The following ERV3-1 variants were observed in gnomAD, a reference collection of about 807,000 sequenced individuals.
The protein encoded by ERV3-1 is endogenous retrovirus group 3 member 1, envelope.
Under a neutral mutation model 24.6 loss-of-function variants are expected in ERV3-1, and 36 were observed. The ratio of observed to expected loss-of-function variants is 1.47; its 90% CI spans 1.12 to 1.94. The LOEUF (loss-of-function observed/expected upper bound fraction) is 1.94. Ranked by LOEUF, ERV3-1 falls within the 30% of genes most tolerant of loss-of-function variation. The pLI, the probability that ERV3-1 is intolerant of heterozygous loss-of-function variation, is 0.00. For synonymous variants in ERV3-1, 211 were observed against 122.6 expected, an observed-to-expected ratio of 1.72 and a Z score of -4.76; for missense variants, 578 against 330.9, an observed-to-expected ratio of 1.75 and a Z score of -5.79.
chr7:64,997,930 A>G (rs768917973), intron 1 of ERV3-1, among the ~76,000 whole-genome samples: 3 of 152,146 alleles, frequency 2.0e-5, no homozygotes, highest in Non-Finnish European at 2.9e-5. Context: ...CCTGTTCATC[A>G]TAATAGATAG....
At chr7:64,994,854 G>A (rs1479432203) in intron 1 of ERV3-1, among the ~76,000 whole-genome samples, 9 of 152,224 alleles carry the variant, frequency 5.9e-5, no homozygotes, top group African/African-American at 1.4e-4. Flanking sequence ...CTGAGGCTAC[G>A]CCTCCACCAC....
rs1429511151 is a variant in ERV3-1, at chr7:64,992,236, T to G, written c.791A>C (p.Lys264Thr). The change falls in exon 2 of 2, where the codon AAA becomes ACA. Residue 264 changes from lysine to threonine, a missense_variant. Transcript: ENST00000394323. ...GGCCAAGGGAGGGGGCTCAGGCAAT[T>G]TCTGGTTAACATGCTCATAGAATGA... Reference protein sequence around the residue: ...FESFYEHVNQKLPEPPPLASN... With the variant: ...FESFYEHVNQTLPEPPPLASN... 1 of 766,238 alleles carries G rather than the reference T, an allele frequency of 1.3e-6. No homozygotes were observed. The highest frequency in any genetic ancestry group is 1.7e-5 in the African/African-American group (1 of 59,110). The allele number at this position is 766,238 out of a possible 1,614,324, so 47.5% of individuals were successfully genotyped here.
In ERV3-1 at chr7:64,991,486, C is replaced by T. The variant is rs566324998; in HGVS notation, c.1541G>A (p.Arg514His). 5.8e-5 allele frequency: 41 copies of T among 703,990 alleles called. No homozygotes were observed. Among genetic ancestry groups the T allele is most frequent in the East Asian group, 5.4e-4 (20 of 37,298 alleles). The allele number at this position is 703,990 out of a possible 1,614,324, so 43.6% of individuals were successfully genotyped here. ...TAGTACTGCCTGCAATCTTATAATG[C>T]GGTTAAGCATGTAAACTGGGGTGCG... ...GYRTPVYMLN[R>H]IIRLQAVLEI... is the part of the protein sequence containing the mutation. The change falls in exon 2 of 2, where the codon CGC becomes CAC. Residue 514 changes from arginine (R) to histidine (H), a missense_variant. By Grantham distance (29) the Arg-to-His change is conservative. Transcript: ENST00000394323.
At chr7:65,004,938 G>T (rs1252340656) in intron 1 of ERV3-1, 1 of 149,434 alleles carries the variant, frequency 6.7e-6, no homozygotes, top group Admixed American at 6.7e-5. Flanking sequence ...GAGAATCCAG[G>T]TGGCAGTAAT....
rs375643236 is a variant in ERV3-1, at chr7:64,991,860, T to C, written c.1167A>G (p.Pro389=). The change falls in exon 2 of 2, where the codon CCA becomes CCG. Residue 389 remains proline (P), a synonymous_variant. Coordinates refer to ENST00000394323, the MANE Select transcript of ERV3-1 (RefSeq NM_001007253.4). ...GKSNNSESPH[P]SPFSRFPSLN... ...AAGATGGGAAACGAGAGAATGGGCT[T>C]GGGTGTGGTGATTCAGAATTATTGC... 92 of 766,270 alleles carry C rather than the reference T, an allele frequency of 1.2e-4. No individual in the cohort carries two copies. Among genetic ancestry groups the C allele is most frequent in the Non-Finnish European group, 1.7e-4 (72 of 417,890 alleles). 47.5% of individuals were successfully genotyped at this position (766,270 alleles called of 1,614,324 possible).
At position 64,991,785 on chromosome 7, in the gene ERV3-1, G is replaced by A. The variant is rs1212286844; in HGVS notation, c.1242C>T (p.Pro414=). 1.3e-6 allele frequency: 1 copy of A among 766,160 alleles called. No individual in the cohort carries two copies. The highest frequency in any genetic ancestry group is 1.7e-5 in the Admixed American group (1 of 59,028). The allele number at this position is 766,160 out of a possible 1,614,324, so 47.5% of individuals were successfully genotyped here. The part of the protein sequence containing the change: ...QLEAPNTWQA[P]SGLYWICGPQ... ...GCCCACAGATCCAGTAGAGGCCAGA[G>A]GGTGCCTGCCAGGTATTTGGAGCTT... is the stretch of plus-strand genomic sequence containing the variant. Residue 414 remains proline (P), a synonymous_variant, in exon 2 of 2, where the codon CCC becomes CCT. Coordinates refer to ENST00000394323, the MANE Select transcript of ERV3-1 (RefSeq NM_001007253.4).
In ERV3-1 at chr7:64,992,876, A is replaced by C. The variant is rs1202842357; in HGVS notation, c.151T>G (p.Tyr51Asp). The change falls in exon 2 of 2, where the codon TAT (tyrosine) becomes GAT (aspartate). Residue 51 changes from tyrosine (Y) to aspartate (D), a missense_variant. By Grantham distance (160) the Tyr-to-Asp change is radical. Coordinates refer to ENST00000394323, the MANE Select transcript of ERV3-1 (RefSeq NM_001007253.4). The part of the protein sequence containing the change: ...MTKTLLYHTY[Y>D]ECAGTCLGTC... ...CCTAGGCAGGTCCCAGCACACTCAT[A>C]ATAAGTGTGATACAACAGGGTTTTA... The C allele has an allele frequency of 1.3e-6, 1 of 766,168 alleles. No homozygotes were observed. The highest frequency in any genetic ancestry group is 1.7e-5 in the African/African-American group (1 of 59,072). 47.5% of individuals were successfully genotyped at this position (766,168 alleles called of 1,614,324 possible). A position where few individuals can be genotyped will look rare whatever the true frequency, so the allele number is the denominator to read the frequency against.
chr7:64,993,808 G>A (rs1389732268), intron 1 of ERV3-1, among the ~76,000 whole-genome samples: 1 of 152,210 alleles, frequency 6.6e-6, no homozygotes, highest in Non-Finnish European at 1.5e-5. Flanking sequence ...TTCTTCAGTA[G>A]CTGTTTGAGT....
Position 64,992,097 on chromosome 7 carries a change from T to A in ERV3-1, c.930A>T (p.Glu310Asp). The part of the protein sequence containing the change: ...MGDQWPWEAR[E>D]LMPQDNFTLT... ...GTGTGAAATTATCTTGGGGCATTAG[T>A]TCCCTTGCTTCCCATGGCCATTGGT... The change falls in exon 2 of 2, where the codon GAA (glutamate) becomes GAT (aspartate). Residue 310 changes from glutamate (E) to aspartate (D), a missense_variant. Coordinates refer to ENST00000394323, the MANE Select transcript of ERV3-1 (RefSeq NM_001007253.4). 1.3e-6 allele frequency: 1 copy of A among 766,398 alleles called. No individual in the cohort carries two copies. The highest frequency in any genetic ancestry group is 2.4e-6 in the Non-Finnish European group (1 of 417,904). The allele number at this position is 766,398 out of a possible 1,614,324, so 47.5% of individuals were successfully genotyped here.
At chr7:64,994,910 C>T (rs1432016431) in intron 1 of ERV3-1, among the ~76,000 whole-genome samples, 1 of 152,252 alleles carries the variant, frequency 6.6e-6, no homozygotes, top group Non-Finnish European at 1.5e-5. Context: ...AGACCCCTTC[C>T]AGCACAAAAC....
At chr7:65,000,452 TG>T (rs1191083972) in intron 1 of ERV3-1, among the ~76,000 whole-genome samples, 1 of 151,992 alleles carries the variant, frequency 6.6e-6, no homozygotes, top group Non-Finnish European at 1.5e-5. Context: ...CTTGATCTCC[TG>T]ACCTTGTGAT....
chr7:64,994,855 C>T (rs1327710695), intron 1 of ERV3-1, among the ~76,000 whole-genome samples: 2 of 152,238 alleles, frequency 1.3e-5, no homozygotes. Flanking sequence ...TGAGGCTACG[C>T]CTCCACCACT....
intron 1 of ERV3-1, chr7:65,004,027 G>A (rs1480200163): frequency 1.3e-5 from 2 of 152,038 alleles, no homozygotes; most frequent in Non-Finnish European, 2.9e-5. Context: ...ACTAAGCCTT[G>A]GAATTCTGTT....
Position 64,992,799 on chromosome 7 carries a change from GC to G in ERV3-1, c.227del (p.Gly76AlafsTer29). 1.3e-6 allele frequency: 1 copy of G among 766,396 alleles called. No individual in the cohort carries two copies. Among genetic ancestry groups the G allele is most frequent in the East Asian group, 2.4e-5 (1 of 41,230 alleles). 47.5% of individuals were successfully genotyped at this position (766,396 alleles called of 1,614,324 possible). ...TAGGGTCATAACACACATAAGGCTGGCCCCTTCCTGGGTCACAGACTGAGTA... is the reference window on the plus strand; with the variant it reads ...TAGGGTCATAACACACATAAGGCTGGCCCTTCCTGGGTCACAGACTGAGTA... ...TTYSVCDPGR[G>X]QPYVCYDPKS... On this transcript the variant is annotated frameshift_variant, in exon 2 of 2. Coordinates refer to ENST00000394323, the MANE Select transcript of ERV3-1 (RefSeq NM_001007253.4). LOFTEE classifies it high-confidence loss of function.
At chr7:64,996,582 C>CT (rs1378760327) in intron 1 of ERV3-1, among the ~76,000 whole-genome samples, 1 of 152,190 alleles carries the variant, frequency 6.6e-6, no homozygotes, top group Non-Finnish European at 1.5e-5. Context: ...GTAATATCTC[C>CT]TTGTGACCCA....
At chr7:64,998,040 G>T (rs146093322) in intron 1 of ERV3-1, among the ~76,000 whole-genome samples, 4 of 152,146 alleles carry the variant, frequency 2.6e-5, no homozygotes, top group African/African-American at 9.7e-5. Flanking sequence ...ACCTCCTGAG[G>T]TGGGGGCTCA....
intron 1 of ERV3-1, among the ~76,000 whole-genome samples, chr7:64,997,946 C>T (rs988320488): frequency 3.3e-5 from 5 of 152,118 alleles, no homozygotes; most frequent in South Asian, 2.1e-4. Flanking sequence ...GATAGGTCCC[C>T]GTGTTTCACG....
intron 1 of ERV3-1, chr7:65,006,330 G>A: frequency 2.6e-6 from 2 of 763,426 alleles, no homozygotes; most frequent in Admixed American, 2.6e-5. Context: ...TCACTGCGCA[G>A]GGAGGAGACA....
intron 1 of ERV3-1, among the ~76,000 whole-genome samples, chr7:64,997,708 G>A (rs921909865): frequency 6.6e-5 from 10 of 152,098 alleles, no homozygotes; most frequent in Admixed American, 2.0e-4. Context: ...GTCACCCTTC[G>A]GCATTCCTCG....
Sources: gnomAD v4.1 joint callset for allele counts (sites outside exome capture counted in the v4.1 genomes callset) on GRCh38, gnomAD v4.1.1 for gene constraint, MANE v1.5 for transcripts, NCBI Gene and HGNC (gene_info 2026-07-23, HGNC 2026-07-21) for gene names.